Variants in LRWD1 observed in about 807,000 individuals in gnomAD.
LRWD1 encodes the protein leucine rich repeats and WD repeat domain containing 1.
Under a neutral mutation model 75.6 loss-of-function variants are expected in LRWD1, and 76 were observed. The ratio of observed to expected loss-of-function variants is 1.01; its 90% CI spans 0.84 to 1.22. The LOEUF is 1.22. Ranked by LOEUF, LRWD1 falls within the 50% of genes most tolerant of loss-of-function variation. The pLI is 0.00. For missense variants in LRWD1, 917 were observed against 862.0 expected, an observed-to-expected ratio of 1.06 and a Z score of -0.80; for synonymous variants, 487 against 377.0, an observed-to-expected ratio of 1.29 and a Z score of -3.38.
rs1281622883 is a variant in LRWD1, at chr7:102,465,008, G to C, written c.-73G>C. On this transcript the variant is annotated 5_prime_UTR_variant, in exon 1 of 15. Transcript: ENST00000292616. ...CAGTTACCGCGGACGCCAGTGCCGG[G>C]CTCCAGGAGACGCAGGGCGACGCCA... The C allele has an allele frequency of 1.7e-5, 24 of 1,374,500 alleles. No homozygotes were observed. The highest frequency in any genetic ancestry group is 2.6e-4 in the Middle Eastern group (1 of 3,866). 85.1% of individuals were successfully genotyped at this position (1,374,500 alleles called of 1,614,324 possible).
Position 102,466,780 on chromosome 7 carries a change from T to G in LRWD1, c.432+510T>G, listed in dbSNP as rs1450526330. On this transcript the variant is annotated intron_variant, in intron 3 of 14. Transcript: ENST00000292616. Reference sequence around the variant, plus strand: ...TTTACCTTTTTTTTTTTTTTTTTTTTTTTTTTTTTTTTTTTTTAGAGACAG... The same window carrying G: ...TTTACCTTTTTTTTTTTTTTTTTTTGTTTTTTTTTTTTTTTTTAGAGACAG... Among the ~76,000 whole-genome samples, 3 of 132,008 alleles carry G rather than the reference T, an allele frequency of 2.3e-5. No homozygotes were observed. The Admixed American group carries it at 2.3e-4, about 10-fold the overall frequency. The allele number at this position is 132,008 out of a possible 152,430, so 86.6% of individuals were successfully genotyped here.
Position 102,473,117 on chromosome 7 carries a change from G to A in LRWD1, c.*68G>A, listed in dbSNP as rs199657815. 4 of 150,554 alleles carry A rather than the reference G, an allele frequency of 2.7e-5. No homozygotes were observed. The highest frequency in any genetic ancestry group is 4.5e-5 in the African/African-American group (1 of 22,214). 9.3% of individuals were successfully genotyped at this position (150,554 alleles called of 1,614,324 possible). ...TATTCAGCTTTGGGCCGATGGGGGT[G>A]GGGGGGGGTCTTTCAGTGAATATTT... is the stretch of plus-strand genomic sequence containing the variant. On this transcript the variant is annotated 3_prime_UTR_variant, in exon 15 of 15. Transcript: ENST00000292616.
Position 102,472,239 on chromosome 7 carries a change from C to T in LRWD1, c.1464C>T (p.Val488=), listed in dbSNP as rs1280393182. Residue 488 remains valine (V), a synonymous_variant, in exon 12 of 15, where the codon GTC becomes GTT. Coordinates refer to ENST00000292616, the MANE Select transcript of LRWD1 (RefSeq NM_152892.3). The part of the protein sequence containing the change: ...QKRRVCEVEF[V]FSEGSEASGR... The stretch of plus-strand genomic sequence containing the variant: ...ACAGGGTGTGTGAAGTGGAATTCGT[C>T]TTCTCTGAGGGCTCCGAGGCATCTG... The T allele has an allele frequency of 2.5e-6, 4 of 1,596,336 alleles. No homozygotes were observed. Among genetic ancestry groups the T allele is most frequent in the Admixed American group, 3.5e-5 (2 of 57,860 alleles).
In LRWD1 at chr7:102,465,063, G is replaced by C. The variant is rs555840431; in HGVS notation, c.-18G>C. 1.4e-6 allele frequency: 2 copies of C among 1,476,808 alleles called. No individual in the cohort carries two copies. Among genetic ancestry groups the C allele is most frequent in the Admixed American group, 2.6e-5 (1 of 38,508 alleles). 91.5% of individuals were successfully genotyped at this position (1,476,808 alleles called of 1,614,324 possible). ...CCGGGGTGGCCGACTGGGTCAGCGC[G>C]GGCTGCGCCTCCTCGCCATGGGCCC... On this transcript the variant is annotated 5_prime_UTR_variant, in exon 1 of 15. Coordinates refer to ENST00000292616, the MANE Select transcript of LRWD1 (RefSeq NM_152892.3).
intron 11 of LRWD1, chr7:102,470,745 C>CGGT (rs1340604608): frequency 1.3e-5 from 2 of 152,220 alleles, no homozygotes; most frequent in East Asian, 1.9e-4. Context: ...TCGTCAGCCA[C>CGGT]GGTAAGCTTT....
chr7:102,468,256 C>T lies in LRWD1; in HGVS notation c.805-7C>T, dbSNP rs761881802. ...TGGGCAGCTGTGACCCTTCTCTCCC[C>T]CCACAGCCTGCTGTGAAGCTGGAGC... On this transcript the variant is annotated splice_region_variant and splice_polypyrimidine_tract_variant and intron_variant, in intron 6 of 14. Transcript: ENST00000292616. The T allele has an allele frequency of 6.2e-7, 1 of 1,605,132 alleles. No homozygotes were observed. Among genetic ancestry groups the T allele is most frequent in the Non-Finnish European group, 8.5e-7 (1 of 1,176,626 alleles).
Position 102,468,543 on chromosome 7 carries a change from C to T in LRWD1, c.920-11C>T, listed in dbSNP as rs201476952. 3.1e-5 allele frequency: 48 copies of T among 1,560,602 alleles called. 1 individual carries two copies. In the East Asian group the frequency reaches 6.2e-4, roughly 20 times the overall value. On this transcript the variant is annotated splice_polypyrimidine_tract_variant and intron_variant, in intron 7 of 14. Transcript: ENST00000292616. The stretch of plus-strand genomic sequence containing the variant: ...CTCTGCTCATCCGACCTCTCAAAAC[C>T]GGGCACTCAGGGGCCACATCCCAGA...
chr7:102,472,093 T>C, intron 11 of LRWD1, 125 bp from the exon 12 acceptor site: 1 of 840,138 alleles, frequency 1.2e-6, no homozygotes, highest in African/African-American at 1.7e-5. Flanking sequence ...ATCTCTTTGG[T>C]GGCATCTTCT....
Position 102,472,259 on chromosome 7 carries a change from C to T in LRWD1, c.1484C>T (p.Ala495Val), listed in dbSNP as rs767255596. The T allele has an allele frequency of 9.4e-6, 15 of 1,596,414 alleles. No homozygotes were observed. The South Asian group carries it at 1.6e-4, about 17-fold the overall frequency. Residue 495 changes from alanine to valine, a missense_variant, in exon 12 of 15, where the codon GCA (alanine) becomes GTA (valine). Ala to Val is a moderately conservative substitution (Grantham distance 64). Transcript: ENST00000292616. ...VEFVFSEGSE[A>V]SGRRVDGLAF... ...TTCGTCTTCTCTGAGGGCTCCGAGG[C>T]ATCTGGACGGAGAGTGGATGGGCTG...
At position 102,467,426 on chromosome 7, in the gene LRWD1, G is replaced by A; in HGVS notation, c.520G>A (p.Val174Ile). 1.9e-6 allele frequency: 3 copies of A among 1,613,824 alleles called. No homozygotes were observed. Among genetic ancestry groups the A allele is most frequent in the South Asian group, 1.1e-5 (1 of 91,074 alleles). The change falls in exon 4 of 15, where the codon GTC (valine) becomes ATC (isoleucine). Residue 174 changes from valine (V) to isoleucine (I), a missense_variant. Val to Ile is a conservative substitution (Grantham distance 29). Coordinates refer to ENST00000292616, the MANE Select transcript of LRWD1 (RefSeq NM_152892.3). Reference sequence around the variant, plus strand: ...CCAGGCGGACTTTGTGAAGTCGGCTGTCAGGGATGTCCGCTACGGGCCCGA... The same window carrying A: ...CCAGGCGGACTTTGTGAAGTCGGCTATCAGGGATGTCCGCTACGGGCCCGA... The part of the protein sequence containing the change: ...KAQADFVKSA[V>I]RDVRYGPESL...
chr7:102,469,425 C>T (rs1798119127), intron 9 of LRWD1, 149 bp from the exon 10 acceptor site: 2 of 848,086 alleles, frequency 2.4e-6, no homozygotes, highest in Admixed American at 2.5e-5. Context: ...ATTGGGGGCC[C>T]AGGAGTGTTC....
At chr7:102,467,942 C>A in intron 5 of LRWD1, 119 bp downstream of exon 5, 1 of 1,506,332 alleles carries the variant, frequency 6.6e-7, no homozygotes, top group East Asian at 2.4e-5. Context: ...GGCTCACTCC[C>A]TAGGTGACCC....
Position 102,465,139 on chromosome 7 carries a change from T to A in LRWD1, c.59T>A (p.Leu20Gln). 1 of 1,518,240 alleles carries A rather than the reference T, an allele frequency of 6.6e-7. No homozygotes were observed. The highest frequency in any genetic ancestry group is 1.3e-5 in the South Asian group (1 of 79,764). 94.0% of individuals were successfully genotyped at this position (1,518,240 alleles called of 1,614,324 possible). ...MQRGRPKSDR[L>Q]GKIRSLDLSG... ...CGCGGGCGCCCCAAGAGCGACCGGC[T>A]GGGGAAGATCCGGAGTCTGGAGTAA... is the stretch of plus-strand genomic sequence containing the variant. Residue 20 changes from leucine to glutamine, a missense_variant, in exon 1 of 15, where the codon CTG becomes CAG. By Grantham distance (113) the Leu-to-Gln change is moderately radical. Transcript: ENST00000292616.
Position 102,468,940 on chromosome 7 carries a change from G to T in LRWD1, c.1106G>T (p.Gly369Val). 6.2e-7 allele frequency: 1 copy of T among 1,612,726 alleles called. No homozygotes were observed. The highest frequency in any genetic ancestry group is 8.5e-7 in the Non-Finnish European group (1 of 1,179,906). ...KKRWSVLAAAGLRGLVRLLHV... is the reference protein window; with the variant it reads ...KKRWSVLAAAVLRGLVRLLHV... The stretch of plus-strand genomic sequence containing the variant: ...CGCTGGAGTGTGCTGGCGGCTGCAG[G>T]CCTACGGGGCCTGGTCCGGCTGCTG... Residue 369 changes from glycine to valine, a missense_variant, in exon 9 of 15, where the codon GGC becomes GTC. Physicochemically the swap from Gly to Val is moderately radical, Grantham distance 109 (BLOSUM62 -3). Transcript: ENST00000292616.
rs1489755477 is a variant in LRWD1 at position 102,472,766 on chromosome 7, C to T, written c.1765C>T (p.Pro589Ser). The change falls in exon 14 of 15, where the codon CCA becomes TCA. Residue 589 changes from proline (P) to serine (S), a missense_variant. Transcript: ENST00000292616. ...LYDVSNILKQ[P>S]PLLPAALQAP... Reference sequence around the variant, plus strand: ...CGACGTCAGCAACATCCTGAAGCAGCCACCCCTGCTGCCGGCAGCCCTGCA... The same window carrying T: ...CGACGTCAGCAACATCCTGAAGCAGTCACCCCTGCTGCCGGCAGCCCTGCA... 3.7e-6 allele frequency: 6 copies of T among 1,613,474 alleles called. No homozygotes were observed. Among genetic ancestry groups the T allele is most frequent in the Non-Finnish European group, 4.2e-6 (5 of 1,179,968 alleles).
intron 11 of LRWD1, chr7:102,471,917 G>A (rs1042954851): frequency 2.9e-5 from 10 of 347,506 alleles, no homozygotes; most frequent in South Asian, 1.4e-4. Flanking sequence ...TCTCACACTC[G>A]GTCCCAGAGG....
At chr7:102,467,247 G>T in intron 3 of LRWD1, 92 bp from the exon 4 acceptor site, 1 of 1,406,878 alleles carries the variant, frequency 7.1e-7, no homozygotes, top group Admixed American at 2.0e-5. Flanking sequence ...GAGGCTTCCA[G>T]CAGGTGGCGG....
rs762516521 is a variant in LRWD1, at chr7:102,472,557, G to A, written c.1638G>A (p.Arg546=). The change falls in exon 13 of 15, where the codon CGG becomes CGA. Residue 546 remains arginine (R), a synonymous_variant. Coordinates refer to ENST00000292616, the MANE Select transcript of LRWD1 (RefSeq NM_152892.3). ...CGGTGGCAGTGGTGGTCCTGGCGCG[G>A]CTGCAATGGTCGTCCACCGAGTTGG... The part of the protein sequence containing the change: ...QSTVAVVVLA[R]LQWSSTELAY... 6.2e-7 allele frequency: 1 copy of A among 1,600,348 alleles called. No homozygotes were observed. The highest frequency in any genetic ancestry group is 8.5e-7 in the Non-Finnish European group (1 of 1,174,576).
Position 102,469,827 on chromosome 7 carries a change from T to G in LRWD1, c.1387T>G (p.Cys463Gly). The G allele has an allele frequency of 6.2e-7, 1 of 1,605,826 alleles. No individual in the cohort carries two copies. The highest frequency in any genetic ancestry group is 8.5e-7 in the Non-Finnish European group (1 of 1,176,706). The stretch of plus-strand genomic sequence containing the variant: ...CCCGGACGCCCGCCTGCTGGCCGGC[T>G]GCGAGGGCGGCTGCTGCTGCTGGGA... ...SCPDARLLAG[C>G]EGGCCCWDVR... The change falls in exon 11 of 15, where the codon TGC becomes GGC. Residue 463 changes from cysteine to glycine, a missense_variant. Coordinates refer to ENST00000292616, the MANE Select transcript of LRWD1 (RefSeq NM_152892.3).
Sources: gnomAD v4.1 joint callset for allele counts (sites outside exome capture counted in the v4.1 genomes callset) on GRCh38, gnomAD v4.1.1 for gene constraint, MANE v1.5 for transcripts, NCBI Gene and HGNC (gene_info 2026-07-23, HGNC 2026-07-21) for gene names.